The following RBFOX1 variants were observed in gnomAD, a reference collection of about 807,000 sequenced individuals.
The protein encoded by RBFOX1 is RNA binding fox-1 homolog 1, also known as RNA binding protein fox-1 homolog 1.
Under a neutral mutation model 57.7 loss-of-function variants are expected in RBFOX1, and 8 were observed. The observed-to-expected ratio is 0.14, with a 90% CI of 0.08 to 0.25. The LOEUF is 0.25. Ranked by LOEUF, RBFOX1 falls within the 10% of genes least tolerant of loss-of-function variation. The pLI, the probability that RBFOX1 is intolerant of heterozygous loss-of-function variation, is 1.00. For synonymous variants in RBFOX1, 326 were observed against 222.4 expected (o/e 1.47, Z -4.15); for missense variants, 611 against 548.5 (o/e 1.11, Z -1.14).
At chr16:6,500,705 G>T (rs898748491) in intron 2 of RBFOX1, among the ~76,000 whole-genome samples, 1 of 151,206 alleles carries the variant, frequency 6.6e-6, no homozygotes, top group African/African-American at 2.4e-5. Context: ...AGAAAACTTG[G>T]ACACTGACAT....
intron 3 of RBFOX1, among the ~76,000 whole-genome samples, chr16:5,730,286 G>C (rs1378742158): frequency 6.6e-6 from 1 of 152,092 alleles, no homozygotes; most frequent in Non-Finnish European, 1.5e-5. Context: ...TGGGGATTTA[G>C]TGCCACAGAG....
chr16:7,581,962 C>A (rs1341232697), intron 6 of RBFOX1, among the ~76,000 whole-genome samples: 1 of 152,040 alleles, frequency 6.6e-6, no homozygotes, highest in Non-Finnish European at 1.5e-5. Context: ...AGCAACCCTC[C>A]CGCCTTGGCC....
intron 3 of RBFOX1, among the ~76,000 whole-genome samples, chr16:6,958,069 C>A (rs979919110): frequency 6.6e-6 from 1 of 151,896 alleles, no homozygotes; most frequent in Non-Finnish European, 1.5e-5. Flanking sequence ...TGGAGACTAG[C>A]TCTCATGGAT....
intron 1 of RBFOX1, among the ~76,000 whole-genome samples, chr16:6,130,800 T>C (rs2096624141): frequency 6.6e-6 from 1 of 152,144 alleles, no homozygotes; most frequent in Non-Finnish European, 1.5e-5. Flanking sequence ...AATGATCAAA[T>C]GGTTAATTCA....
chr16:6,651,161 C>G (rs2098590955), intron 2 of RBFOX1, among the ~76,000 whole-genome samples: 1 of 152,178 alleles, frequency 6.6e-6, no homozygotes, highest in Non-Finnish European at 1.5e-5. Flanking sequence ...CTCAGTCTCC[C>G]AGAGTGCTGG....
At chr16:5,576,210 C>T (rs2046450955) in intron 2 of RBFOX1, among the ~76,000 whole-genome samples, 2 of 152,162 alleles carry the variant, frequency 1.3e-5, no homozygotes, top group African/African-American at 4.8e-5. Flanking sequence ...TGTTCTCAAA[C>T]TCCTGACCTC....
At chr16:6,865,764 A>G (rs149861291) in intron 3 of RBFOX1, among the ~76,000 whole-genome samples, 18 of 151,930 alleles carry the variant, frequency 1.2e-4, no homozygotes, top group African/African-American at 4.3e-4. Flanking sequence ...ATTTGTTGTT[A>G]TTTTTTCCTG....
intron 1 of RBFOX1, among the ~76,000 whole-genome samples, chr16:6,219,473 C>G (rs1415447895): frequency 6.6e-6 from 1 of 152,188 alleles, no homozygotes; most frequent in African/African-American, 2.4e-5. Context: ...ATGTCTCGGT[C>G]AAGTCTGAGC....
chr16:5,654,182 T>A (rs1386324535), intron 3 of RBFOX1, among the ~76,000 whole-genome samples: 4 of 152,200 alleles, frequency 2.6e-5, no homozygotes, highest in African/African-American at 9.6e-5. Context: ...ACCTCTTATC[T>A]GTGAAATGGA....
intron 4 of RBFOX1, among the ~76,000 whole-genome samples, chr16:7,393,376 C>A (rs2098079010): frequency 6.6e-6 from 1 of 152,154 alleles, no homozygotes; most frequent in East Asian, 1.9e-4. Context: ...CACAAGTTTT[C>A]TTTGGTATCT....
intron 1 of RBFOX1, among the ~76,000 whole-genome samples, chr16:5,381,227 G>C (rs61140580): frequency 7.4e-4 from 112 of 152,330 alleles, no homozygotes; most frequent in African/African-American, 2.6e-3. Context: ...AGGCAGGGCA[G>C]ACCCTATGCC....
At chr16:6,872,726 C>T (rs2061154838) in intron 3 of RBFOX1, among the ~76,000 whole-genome samples, 1 of 152,102 alleles carries the variant, frequency 6.6e-6, no homozygotes, top group South Asian at 2.1e-4. Flanking sequence ...TGTCTCAAAA[C>T]CTGTGTTTTT....
At chr16:7,418,742 T>C (rs533896394) in intron 4 of RBFOX1, among the ~76,000 whole-genome samples, 10 of 152,056 alleles carry the variant, frequency 6.6e-5, no homozygotes, top group Non-Finnish European at 1.2e-4. Flanking sequence ...TATGGTCTTA[T>C]CCTCTTTTCT....
intron 1 of RBFOX1, among the ~76,000 whole-genome samples, chr16:5,316,345 G>C (rs903514959): frequency 6.6e-6 from 1 of 152,190 alleles, no homozygotes; most frequent in Non-Finnish European, 1.5e-5. Context: ...GGCCAAGTTT[G>C]TCTTTGCTCA....
intron 1 of RBFOX1, among the ~76,000 whole-genome samples, chr16:6,030,888 C>G (rs562310049): frequency 6.6e-6 from 1 of 152,284 alleles, no homozygotes; most frequent in African/African-American, 2.4e-5. Context: ...AGCCCATGCT[C>G]TGGGCCAGGC....
chr16:6,372,525 G>T (rs555400613), intron 2 of RBFOX1, among the ~76,000 whole-genome samples: 1 of 151,930 alleles, frequency 6.6e-6, no homozygotes, highest in East Asian at 2.0e-4. Context: ...AAGGATAGCT[G>T]GTTAGGATCT....
chr16:7,384,618 G>C (rs1251050075), intron 4 of RBFOX1, among the ~76,000 whole-genome samples: 1 of 152,290 alleles, frequency 6.6e-6, no homozygotes, highest in East Asian at 1.9e-4. Flanking sequence ...GGAGTGAACA[G>C]CTTTGCAGGC....
intron 2 of RBFOX1, among the ~76,000 whole-genome samples, chr16:6,514,607 G>A (rs1037572410): frequency 1.3e-5 from 2 of 152,236 alleles, no homozygotes; most frequent in East Asian, 1.9e-4. Flanking sequence ...CCCTCACCAC[G>A]CATTTGTGTA....
chr16:7,232,472 G>C (rs989624159), intron 4 of RBFOX1, among the ~76,000 whole-genome samples: 1 of 152,150 alleles, frequency 6.6e-6, no homozygotes, highest in Non-Finnish European at 1.5e-5. Flanking sequence ...TAAATAGCCT[G>C]CATGCAAATA....
Sources: gnomAD v4.1 joint callset for allele counts (sites outside exome capture counted in the v4.1 genomes callset) on GRCh38, gnomAD v4.1.1 for gene constraint, MANE v1.5 for transcripts, NCBI Gene and HGNC (gene_info 2026-07-23, HGNC 2026-07-21) for gene names.